FIG4: variants seen among roughly 807,000 people sequenced by gnomAD.
FIG4 encodes polyphosphoinositide phosphatase.
Under a neutral mutation model 118.6 loss-of-function variants are expected in FIG4, and 112 were observed. That is an observed-to-expected ratio of 0.94 (90% CI 0.81 to 1.11). The LOEUF (loss-of-function observed/expected upper bound fraction) is 1.11. Among genes scored for constraint, FIG4 ranks in the 50% least tolerant of loss-of-function variants. The pLI is 0.00. For synonymous variants in FIG4, 369 were observed against 381.2 expected (o/e 0.97, Z 0.37); for missense variants, 969 against 1,111.7 (o/e 0.87, Z 1.83).
intron 1 of FIG4, among the ~76,000 whole-genome samples, chr6:109,707,241 A>G (rs1446739958): frequency 6.6e-6 from 1 of 151,596 alleles, no homozygotes; most frequent in African/African-American, 2.4e-5. Context: ...ATAACTTATC[A>G]GTAAATCAGG....
intron 7 of FIG4, among the ~76,000 whole-genome samples, chr6:109,740,527 A>C (rs13202607): frequency 8.5e-5 from 13 of 152,280 alleles, no homozygotes; most frequent in African/African-American, 2.4e-4. Flanking sequence ...CTTGGCTCAG[A>C]AAGTTAAGTA....
At chr6:109,718,490 G>C (rs1775504457) in intron 3 of FIG4, among the ~76,000 whole-genome samples, 2 of 152,138 alleles carry the variant, frequency 1.3e-5, no homozygotes, top group South Asian at 4.1e-4. Context: ...TGAAAACTTT[G>C]ATTATATTCT....
chr6:109,727,256 A>T lies in FIG4; in HGVS notation c.437A>T (p.Asp146Val). ...GATTCTGTACGGGTTACTCATCCTGATGAAGCTAGGTATGTATGGTGGTAA... is the reference window on the plus strand; with the variant it reads ...GATTCTGTACGGGTTACTCATCCTGTTGAAGCTAGGTATGTATGGTGGTAA... ...PNDSVRVTHP[D>V]EARYLRIFQN... is the part of the protein sequence containing the mutation. Residue 146 changes from aspartate (D) to valine (V), a missense_variant, in exon 4 of 23, where the codon GAT (aspartate) becomes GTT (valine). By Grantham distance (152) the Asp-to-Val change is radical. Transcript: ENST00000230124. 1 of 1,610,232 alleles carries T rather than the reference A, an allele frequency of 6.2e-7. No homozygotes were observed. Among genetic ancestry groups the T allele is most frequent in the Non-Finnish European group, 8.5e-7 (1 of 1,177,714 alleles).
At chr6:109,706,873 G>C (rs56264193) in intron 1 of FIG4, among the ~76,000 whole-genome samples, 43,891 of 151,922 alleles carry the variant, frequency 0.29, 6,856 homozygotes, top group Non-Finnish European at 0.35. Flanking sequence ...AGCACGTATA[G>C]TTTACAAACC....
rs775280287 is a variant in FIG4 at position 109,791,519 on chromosome 6, G to T, written c.2324G>T (p.Arg775Leu). The change falls in exon 20 of 23, where the codon CGC (arginine) becomes CTC (leucine). Residue 775 changes from arginine to leucine, a missense_variant. Coordinates refer to ENST00000230124, the MANE Select transcript of FIG4 (RefSeq NM_014845.6). Reference sequence around the variant, plus strand: ...GAAGAAGAGGGCTCTGTGTCTCAGCGCTCCACTCCCGTGAAGATGACTGAT... The same window carrying T: ...GAAGAAGAGGGCTCTGTGTCTCAGCTCTCCACTCCCGTGAAGATGACTGAT... ...DREEEGSVSQ[R>L]STPVKMTDAG... is the part of the protein sequence containing the mutation. The T allele has an allele frequency of 6.2e-7, 1 of 1,614,008 alleles. No individual in the cohort carries two copies. Among genetic ancestry groups the T allele is most frequent in the Non-Finnish European group, 8.5e-7 (1 of 1,180,036 alleles).
At chr6:109,731,495 T>C (rs1297430836) in intron 4 of FIG4, among the ~76,000 whole-genome samples, 1 of 152,128 alleles carries the variant, frequency 6.6e-6, no homozygotes, top group African/African-American at 2.4e-5. Context: ...TGGCTTTCCT[T>C]ATCCATGGGT....
At position 109,763,955 on chromosome 6, in the gene FIG4, A is replaced by G. The variant is rs1444003113; in HGVS notation, c.1407A>G (p.Gly469=). 11 of 1,610,172 alleles carry G rather than the reference A, an allele frequency of 6.8e-6. No homozygotes were observed. Among genetic ancestry groups the G allele is most frequent in the Non-Finnish European group, 8.5e-6 (10 of 1,176,524 alleles). ...RPDEKWNELG[G]CVIPTGRLQT... is the part of the protein sequence containing the mutation. Reference sequence around the variant, plus strand: ...AACACAGGTGGAATGAACTAGGAGGATGTGTGATTCCCACTGGTCGCCTGC... The same window carrying G: ...AACACAGGTGGAATGAACTAGGAGGGTGTGTGATTCCCACTGGTCGCCTGC... The change falls in exon 13 of 23, where the codon GGA becomes GGG. Residue 469 remains glycine (G), a synonymous_variant. Transcript: ENST00000230124.
At chr6:109,701,315 A>G (rs1774900462) in intron 1 of FIG4, among the ~76,000 whole-genome samples, 1 of 152,198 alleles carries the variant, frequency 6.6e-6, no homozygotes, top group Admixed American at 6.5e-5. Context: ...CCCAGGCCTA[A>G]CGCAGCACTA....
chr6:109,782,175 C>T (rs1373873807), intron 16 of FIG4, among the ~76,000 whole-genome samples: 1 of 152,180 alleles, frequency 6.6e-6, no homozygotes, highest in Non-Finnish European at 1.5e-5. Flanking sequence ...GGGAGTGACA[C>T]TAACTTGCAA....
intron 4 of FIG4, among the ~76,000 whole-genome samples, chr6:109,731,275 G>T (rs1775991840): frequency 6.6e-6 from 1 of 152,096 alleles, no homozygotes. Flanking sequence ...AGAACACTTT[G>T]GCAATTCCAG....
intron 19 of FIG4, among the ~76,000 whole-genome samples, chr6:109,791,113 G>T (rs1439372240): frequency 6.6e-6 from 1 of 152,180 alleles, no homozygotes; most frequent in Non-Finnish European, 1.5e-5. Flanking sequence ...TGGTAACCAA[G>T]TGGTGAGAAG....
Position 109,796,849 on chromosome 6 carries a change from A to T in FIG4, c.2544A>T (p.Lys848Asn), listed in dbSNP as rs1382705058. The T allele has an allele frequency of 6.5e-7, 1 of 1,534,260 alleles. No homozygotes were observed. The highest frequency in any genetic ancestry group is 9.0e-7 in the Non-Finnish European group (1 of 1,107,140). The change falls in exon 22 of 23, where the codon AAA becomes AAT. Residue 848 changes from lysine (K) to asparagine (N), a missense_variant and splice_region_variant. Coordinates refer to ENST00000230124, the MANE Select transcript of FIG4 (RefSeq NM_014845.6). ...CTAGGTGCTCAGATGGAGTTATAAAACTGTAAGTACTAGATTAGATCTTTA... is the reference window on the plus strand; with the variant it reads ...CTAGGTGCTCAGATGGAGTTATAAATCTGTAAGTACTAGATTAGATCTTTA... ...PCSRCSDGVI[K>N]LTPISAFSQD...
intron 16 of FIG4, among the ~76,000 whole-genome samples, chr6:109,779,463 TATTCAGTTAGATG>T (rs1189557650): frequency 4.6e-5 from 7 of 152,178 alleles, no homozygotes; most frequent in Non-Finnish European, 8.8e-5. Context: ...TGGCTAAGAT[TATTCAGTTAGATG>T]ATTCAGTGAG....
intron 11 of FIG4, among the ~76,000 whole-genome samples, chr6:109,761,752 C>G (rs1312457467): frequency 6.6e-6 from 1 of 152,200 alleles, no homozygotes. Context: ...GCTCTTTTCA[C>G]AGCCGTTTTA....
At chr6:109,785,385 G>A (rs553406851) in intron 17 of FIG4, among the ~76,000 whole-genome samples, 1 of 152,224 alleles carries the variant, frequency 6.6e-6, no homozygotes, top group South Asian at 2.1e-4. Context: ...AGGAAGTAAG[G>A]ACCTATTCAC....
At chr6:109,818,640 G>A (rs1003917754) in intron 22 of FIG4, among the ~76,000 whole-genome samples, 5 of 152,080 alleles carry the variant, frequency 3.3e-5, no homozygotes, top group African/African-American at 4.8e-5. Flanking sequence ...TATGAGGGTT[G>A]GTGCTATCTG....
intron 10 of FIG4, among the ~76,000 whole-genome samples, chr6:109,747,695 A>G (rs893129384): frequency 5.3e-5 from 8 of 152,176 alleles, no homozygotes; most frequent in Non-Finnish European, 1.0e-4. Flanking sequence ...TGAAAGGGAT[A>G]GTTGTATGAC....
At position 109,713,595 on chromosome 6, in the gene FIG4, C is replaced by A. The variant is rs1285011169; in HGVS notation, c.67-1483C>A. ...AGCTGAAGGAGGGAGGTGGATTGCA[C>A]CCCCAACTGCAGCAGTGGCAGGACA... On this transcript the variant is annotated intron_variant, in intron 1 of 22. Transcript: ENST00000230124. 3.3e-5 allele frequency among the ~76,000 whole-genome samples: 5 copies of A among 152,260 alleles called. No individual in the cohort carries two copies. The East Asian group carries it at 5.8e-4, about 18-fold the overall frequency.
intron 5 of FIG4, among the ~76,000 whole-genome samples, chr6:109,734,330 C>A (rs983808499): frequency 1.3e-5 from 2 of 150,876 alleles, no homozygotes; most frequent in Non-Finnish European, 1.5e-5. Context: ...ACTGGAAAGC[C>A]CCCTCAACAC....
Sources: gnomAD v4.1 joint callset for allele counts (sites outside exome capture counted in the v4.1 genomes callset) on GRCh38, gnomAD v4.1.1 for gene constraint, MANE v1.5 for transcripts, NCBI Gene and HGNC (gene_info 2026-07-23, HGNC 2026-07-21) for gene names.